Variants in LFNG observed in about 807,000 individuals in gnomAD.
LFNG encodes LFNG O-fucosylpeptide 3-beta-N-acetylglucosaminyltransferase, also known as beta-1,3-N-acetylglucosaminyltransferase lunatic fringe.
LFNG carries 15 observed loss-of-function variants against 32.7 expected under a neutral mutation model. That is an observed-to-expected ratio of 0.46 (90% CI 0.31 to 0.71). The LOEUF is 0.71. Among genes scored for constraint, LFNG ranks in the 30% least tolerant of loss-of-function variants. The pLI is 0.06. For missense variants in LFNG, 520 were observed against 545.7 expected, an observed-to-expected ratio of 0.95 and a Z score of 0.47; for synonymous variants, 274 against 246.8, an observed-to-expected ratio of 1.11 and a Z score of -1.03.
chr7:2,521,975 C>T (rs969273937), intron 1 of LFNG, among the ~76,000 whole-genome samples: 1 of 152,182 alleles, frequency 6.6e-6, no homozygotes, highest in African/African-American at 2.4e-5. Context: ...TGAATCTGCC[C>T]TCAGCATCAG....
upstream of LFNG, among the ~76,000 whole-genome samples, chr7:2,514,642 GCATC>G (rs777663626): frequency 1.8e-4 from 23 of 125,508 alleles, no homozygotes; most frequent in Admixed American, 8.1e-4. Flanking sequence ...ATTCATCCAT[GCATC>G]CATCCATCCG....
upstream of LFNG, among the ~76,000 whole-genome samples, chr7:2,515,760 A>G (rs958388269): frequency 6.6e-6 from 1 of 152,198 alleles, no homozygotes; most frequent in Non-Finnish European, 1.5e-5. Context: ...CTGGCCCAAG[A>G]CCACACAGTG....
Position 2,520,363 on chromosome 7 carries a change from A to G in LFNG, c.432+70A>G, listed in dbSNP as rs1779757224. 3 of 1,405,658 alleles carry G rather than the reference A, an allele frequency of 2.1e-6. No homozygotes were observed. Among genetic ancestry groups the G allele is most frequent in the African/African-American group, 1.5e-5 (1 of 68,092 alleles). The allele number at this position is 1,405,658 out of a possible 1,614,324, so 87.1% of individuals were successfully genotyped here. ...CCCACCATCTGGTCCAGCTGGTGGC[A>G]GTGTCCCATGGGAGTCAGGCTGCAT... On this transcript the variant is annotated intron_variant, in intron 1 of 7. Coordinates refer to ENST00000222725, the MANE Select transcript of LFNG (RefSeq NM_001040167.2). The surrounding 1 kb of genome is among the most constrained non-coding windows in gnomAD (Gnocchi z 5.0).
chr7:2,525,746 C>T lies in LFNG; in HGVS notation c.797C>T (p.Ala266Val). The change falls in exon 5 of 8, where the codon GCT becomes GTT. Residue 266 changes from alanine (A) to valine (V), a missense_variant. Transcript: ENST00000222725. ...GGCTTCTGCATCAGCCGTGGGCTGG[C>T]TCTGAAGATGAGCCCGTGGGCCAGG... ...GAGFCISRGLALKMSPWASGG... is the reference protein window; with the variant it reads ...GAGFCISRGLVLKMSPWASGG... 6.2e-7 allele frequency: 1 copy of T among 1,612,498 alleles called. No individual in the cohort carries two copies. The highest frequency in any genetic ancestry group is 8.5e-7 in the Non-Finnish European group (1 of 1,179,986).
In LFNG at chr7:2,527,081, C is replaced by A; in HGVS notation, c.1074-65C>A. On this transcript the variant is annotated intron_variant, in intron 7 of 7. Coordinates refer to ENST00000222725, the MANE Select transcript of LFNG (RefSeq NM_001040167.2). The surrounding 1 kb of genome is among the most constrained non-coding windows in gnomAD (Gnocchi z 4.4). Reference sequence around the variant, plus strand: ...GGGTGGGGCCGCCAGTGTTGTGGGACTGCAAATGGGAGCTCAGCACCTGCC... The same window carrying A: ...GGGTGGGGCCGCCAGTGTTGTGGGAATGCAAATGGGAGCTCAGCACCTGCC... 1 of 1,535,828 alleles carries A rather than the reference C, an allele frequency of 6.5e-7. No individual in the cohort carries two copies. Among genetic ancestry groups the A allele is most frequent in the Non-Finnish European group, 9.0e-7 (1 of 1,112,888 alleles).
upstream of LFNG, among the ~76,000 whole-genome samples, chr7:2,519,082 G>T (rs1319382304): frequency 6.6e-6 from 1 of 152,214 alleles, no homozygotes; most frequent in Non-Finnish European, 1.5e-5. Flanking sequence ...TCGCCATGGG[G>T]CGCCTGAGGA....
rs200490323 is a variant in LFNG, at chr7:2,524,679, G to A, written c.433-16G>A. The A allele has an allele frequency of 5.1e-6, 8 of 1,578,132 alleles. No individual in the cohort carries two copies. The East Asian group carries it at 1.2e-4, about 23-fold the overall frequency. ...GATGAAGGGCTGCCTGCTGAAGGCC[G>A]ATTTTCTCCTTCCAGACGTTCATCT... On this transcript the variant is annotated splice_polypyrimidine_tract_variant and intron_variant, in intron 1 of 7. Coordinates refer to ENST00000222725, the MANE Select transcript of LFNG (RefSeq NM_001040167.2).
chr7:2,515,767 A>G (rs758595114), upstream of LFNG, among the ~76,000 whole-genome samples: 7 of 152,226 alleles, frequency 4.6e-5, no homozygotes, highest in Admixed American at 2.6e-4. Context: ...AAGACCACAC[A>G]GTGGGCGAGG....
At position 2,528,341 on chromosome 7, in the gene LFNG, G is replaced by A. The variant is rs1414452024; in HGVS notation, c.*1129G>A. On this transcript the variant is annotated 3_prime_UTR_variant, in exon 8 of 8. Transcript: ENST00000222725. ...TTTGCAAAGACATAGCTAGGAAAGC[G>A]AATGATAAGGGAAAAGTTCTCAGGG... 4.1e-6 allele frequency: 4 copies of A among 986,192 alleles called. No homozygotes were observed. Among genetic ancestry groups the A allele is most frequent in the Non-Finnish European group, 4.8e-6 (4 of 830,034 alleles). The allele number at this position is 986,192 out of a possible 1,614,324, so 61.1% of individuals were successfully genotyped here.
Position 2,519,814 on chromosome 7 carries a change from C to T in LFNG, c.-48C>T, listed in dbSNP as rs1779731333. 2 of 1,037,736 alleles carry T rather than the reference C, an allele frequency of 1.9e-6. No individual in the cohort carries two copies. Among genetic ancestry groups the T allele is most frequent in the South Asian group, 4.1e-5 (1 of 24,302 alleles). 64.3% of individuals were successfully genotyped at this position (1,037,736 alleles called of 1,614,324 possible). ...CGGAGCGACGGGCTTCGGGTCGGTG[C>T]AAGGCAGGCGCACGGGGAAGGGCGC... On this transcript the variant is annotated 5_prime_UTR_variant, in exon 1 of 8. Coordinates refer to ENST00000222725, the MANE Select transcript of LFNG (RefSeq NM_001040167.2).
rs3074378 is a variant in LFNG at position 2,527,337 on chromosome 7, C to CGTGTGCAT, written c.*130_*131insCATGTGTG. 9 of 1,451,794 alleles carry CGTGTGCAT rather than the reference C, an allele frequency of 6.2e-6. No homozygotes were observed. The highest frequency in any genetic ancestry group is 2.4e-4 in the Middle Eastern group (1 of 4,128). 89.9% of individuals were successfully genotyped at this position (1,451,794 alleles called of 1,614,324 possible). A position where few individuals can be genotyped will look rare whatever the true frequency, so the allele number is the denominator to read the frequency against. On this transcript the variant is annotated 3_prime_UTR_variant, in exon 8 of 8. Transcript: ENST00000222725. This position sits in a 1 kb window ranked among gnomAD's most constrained non-coding sequence, Gnocchi z 4.4. ...GGCCGTGCCTGTGCGTGTGCGTGTGCGTGTGTGTGTGTGTGTACTGCATGC... is the reference window on the plus strand; with the variant it reads ...GGCCGTGCCTGTGCGTGTGCGTGTGCGTGTGCATGTGTGTGTGTGTGTGTACTGCATGC...
chr7:2,525,359 C>A, intron 3 of LFNG, 41 bp downstream of exon 3: 2 of 1,611,852 alleles, frequency 1.2e-6, no homozygotes, highest in Non-Finnish European at 1.7e-6. Flanking sequence ...CCTGCCCGAG[C>A]CTGGCAGCGC....
chr7:2,526,903 T>C lies in LFNG; in HGVS notation c.1055T>C (p.Val352Ala). ...GTCCACGTGAAGGGGCCCTTCTCGGTGGAGGCCGACCCATCCAGGTAAGGA... is the reference window on the plus strand; with the variant it reads ...GTCCACGTGAAGGGGCCCTTCTCGGCGGAGGCCGACCCATCCAGGTAAGGA... ...NAVHVKGPFS[V>A]EADPSRFRSI... The change falls in exon 7 of 8, where the codon GTG becomes GCG. Residue 352 changes from valine (V) to alanine (A), a missense_variant. By Grantham distance (64) the Val-to-Ala change is moderately conservative. Around this residue, in one of 3 missense-constraint regions of LFNG, gnomAD observed 150 missense variants for 159.9 expected, o/e 0.94. Coordinates refer to ENST00000222725, the MANE Select transcript of LFNG (RefSeq NM_001040167.2). This position sits in a 1 kb window ranked among gnomAD's most constrained non-coding sequence, Gnocchi z 6.9. 6.2e-7 allele frequency: 1 copy of C among 1,612,506 alleles called. No homozygotes were observed. The highest frequency in any genetic ancestry group is 1.7e-5 in the Admixed American group (1 of 59,994).
At chr7:2,513,466 G>A, upstream of LFNG, 3 of 1,013,900 alleles carry the variant, frequency 3.0e-6, no homozygotes, top group Non-Finnish European at 2.8e-6. Flanking sequence ...GGGGAGCCTG[G>A]GATCAGGGAG....
intron 1 of LFNG, among the ~76,000 whole-genome samples, chr7:2,522,531 C>T (rs993158913): frequency 2.0e-5 from 3 of 152,196 alleles, no homozygotes; most frequent in African/African-American, 4.8e-5. Context: ...TTCTTTGAAT[C>T]GCGGCTCCAG....
rs571952658 is a variant in LFNG, at chr7:2,525,517, A to C, written c.685A>C (p.Ser229Arg). ...HTRDVYVGKP[S>R]LDRPIQAMER... ...GCGGGACGTCTACGTCGGCAAGCCC[A>C]GCCTGGACAGGCCCATCCAGGCCAT... Residue 229 changes from serine to arginine, a missense_variant, in exon 4 of 8, where the codon AGC becomes CGC. Transcript: ENST00000222725. 6.2e-7 allele frequency: 1 copy of C among 1,612,420 alleles called. No homozygotes were observed. The highest frequency in any genetic ancestry group is 1.1e-5 in the South Asian group (1 of 91,052).
upstream of LFNG, chr7:2,518,024 C>T (rs754434148): frequency 6.4e-5 from 44 of 684,340 alleles, no homozygotes; most frequent in Non-Finnish European, 7.8e-5. Context: ...GATGAGGCTC[C>T]GTCTCTGAAA....
Position 2,524,679 on chromosome 7 carries a change from G to C in LFNG, c.433-16G>C. 1.9e-6 allele frequency: 3 copies of C among 1,578,132 alleles called. No individual in the cohort carries two copies. ...GATGAAGGGCTGCCTGCTGAAGGCC[G>C]ATTTTCTCCTTCCAGACGTTCATCT... On this transcript the variant is annotated splice_polypyrimidine_tract_variant and intron_variant, in intron 1 of 7. Transcript: ENST00000222725.
intron 1 of LFNG, among the ~76,000 whole-genome samples, chr7:2,524,066 G>A (rs1779869642): frequency 6.6e-6 from 1 of 152,196 alleles, no homozygotes; most frequent in South Asian, 2.1e-4. Flanking sequence ...ACTCGGCCGA[G>A]TTAAGGCCGG....
Sources: allele counts gnomAD v4.1 joint callset (sites outside exome capture counted in the v4.1 genomes callset), GRCh38; gene constraint gnomAD v4.1.1; regional missense constraint gnomAD v4.1.1; non-coding constraint Gnocchi (gnomAD v3.1); transcripts MANE v1.5; gene names NCBI Gene and HGNC (gene_info 2026-07-23, HGNC 2026-07-21).